The following MIS18A variants were observed in gnomAD, a reference collection of about 807,000 sequenced individuals.
MIS18A encodes MIS18 kinetochore protein A.
A neutral mutation model predicts 25.0 loss-of-function variants in MIS18A; 14 were observed. That is an observed-to-expected ratio of 0.56 (90% CI 0.37 to 0.88). The LOEUF (loss-of-function observed/expected upper bound fraction) is 0.88, where lower values mean the gene tolerates loss of function less well. MIS18A is among the 40% of genes least tolerant of loss of function. The pLI is 0.00. For missense variants in MIS18A, 292 were observed against 290.8 expected, an observed-to-expected ratio of 1.00 and a Z score of -0.03; for synonymous variants, 134 against 118.6, an observed-to-expected ratio of 1.13 and a Z score of -0.84.
downstream of MIS18A, among the ~76,000 whole-genome samples, chr21:32,265,854 A>G (rs970597877): frequency 1.3e-5 from 2 of 152,164 alleles, no homozygotes; most frequent in African/African-American, 2.4e-5. Flanking sequence ...AAATACACCA[A>G]TCAGCACCCT....
At chr21:32,269,342 T>C (rs181200910) in intron 4 of MIS18A, among the ~76,000 whole-genome samples, 18 of 152,352 alleles carry the variant, frequency 1.2e-4, no homozygotes, top group African/African-American at 4.3e-4. Flanking sequence ...ATCTCTTTTA[T>C]ACAATCATCA....
downstream of MIS18A, among the ~76,000 whole-genome samples, chr21:32,267,906 C>T (rs1297902323): frequency 2.0e-5 from 3 of 152,126 alleles, no homozygotes; most frequent in East Asian, 1.9e-4. Flanking sequence ...CTGAGGCTGT[C>T]GACAATCTCT....
At chr21:32,177,381 T>C in the MIS18A span, among the ~76,000 whole-genome samples, 1 of 152,142 alleles carries the variant, frequency 6.6e-6, no homozygotes, top group African/African-American at 2.4e-5. Flanking sequence ...AAACTTTCCA[T>C]CTGAGATCAA....
At chr21:32,216,843 C>A in the MIS18A span, among the ~76,000 whole-genome samples, 1 of 152,196 alleles carries the variant, frequency 6.6e-6, no homozygotes, top group Non-Finnish European at 1.5e-5. Flanking sequence ...GTTCCACGTA[C>A]TTAAGAAATA....
the MIS18A span, among the ~76,000 whole-genome samples, chr21:32,235,898 C>T: frequency 3.9e-5 from 6 of 152,198 alleles, no homozygotes; most frequent in East Asian, 7.7e-4. Context: ...TGTCTGATCT[C>T]GGAAGGCATT....
chr21:32,195,892 T>C, the MIS18A span, among the ~76,000 whole-genome samples: 14 of 151,998 alleles, frequency 9.2e-5, no homozygotes, highest in Non-Finnish European at 1.8e-4. Flanking sequence ...TGGTGACACA[T>C]GCATGTAGTC....
At chr21:32,221,786 A>G in the MIS18A span, among the ~76,000 whole-genome samples, 2 of 151,676 alleles carry the variant, frequency 1.3e-5, no homozygotes, top group African/African-American at 2.4e-5. Flanking sequence ...TCAGCTACTC[A>G]GGAGGCTGAG....
At chr21:32,277,712 C>T (rs943670115) in intron 1 of MIS18A, among the ~76,000 whole-genome samples, 2 of 152,136 alleles carry the variant, frequency 1.3e-5, no homozygotes, top group African/African-American at 4.8e-5. Context: ...TCTCAATCTC[C>T]GGATCTCGTG....
chr21:32,193,377 C>G, the MIS18A span, among the ~76,000 whole-genome samples: 1 of 152,182 alleles, frequency 6.6e-6, no homozygotes, highest in Non-Finnish European at 1.5e-5. Context: ...GCAGTGGAAA[C>G]AGAAACTCGC....
At chr21:32,229,290 T>A in the MIS18A span, among the ~76,000 whole-genome samples, 1 of 152,210 alleles carries the variant, frequency 6.6e-6, no homozygotes, top group Non-Finnish European at 1.5e-5. Context: ...ATGTCTAAAG[T>A]TCAGTTAGAT....
At chr21:32,276,459 T>TA (rs2031811511) in intron 1 of MIS18A, among the ~76,000 whole-genome samples, 1 of 28,740 alleles carries the variant, frequency 3.5e-5, no homozygotes, top group African/African-American at 2.3e-4. Flanking sequence ...AGACTCTGTC[T>TA]CAAAAAAAAA....
chr21:32,268,061 T>G (rs2031636995), downstream of MIS18A, among the ~76,000 whole-genome samples: 1 of 152,170 alleles, frequency 6.6e-6, no homozygotes, highest in Non-Finnish European at 1.5e-5. Flanking sequence ...TTCCGTGACC[T>G]CACTCACACC....
chr21:32,251,969 T>C, the MIS18A span, among the ~76,000 whole-genome samples: 2 of 152,224 alleles, frequency 1.3e-5, no homozygotes. Flanking sequence ...TTCATCAGTA[T>C]AGTTTTAGAA....
chr21:32,185,985 T>C, the MIS18A span, among the ~76,000 whole-genome samples: 1,620 of 152,280 alleles, frequency 0.011, 35 homozygotes, highest in African/African-American at 0.037. Context: ...AGCCTCATTA[T>C]CATGCTTCCC....
chr21:32,247,681 T>C, the MIS18A span, among the ~76,000 whole-genome samples: 1 of 152,146 alleles, frequency 6.6e-6, no homozygotes, highest in Non-Finnish European at 1.5e-5. Flanking sequence ...GATTAGGACA[T>C]AGACCCATAC....
chr21:32,269,220 T>C (rs188535723), intron 4 of MIS18A, 103 bp from the exon 5 acceptor site: 2 of 829,334 alleles, frequency 2.4e-6, no homozygotes, highest in East Asian at 2.8e-5. Flanking sequence ...ATTTTGGATA[T>C]GTCATACATT....
chr21:32,205,708 C>T, the MIS18A span, among the ~76,000 whole-genome samples: 13 of 152,290 alleles, frequency 8.5e-5, no homozygotes, highest in Non-Finnish European at 1.9e-4. Flanking sequence ...AAATTTAGAG[C>T]TCCACCTTCT....
At chr21:32,197,637 C>T in the MIS18A span, 10,712 of 152,198 alleles carry the variant, frequency 0.07, 539 homozygotes, top group South Asian at 0.16. Flanking sequence ...CTGTAGAGAC[C>T]GTCTGCCTGC....
downstream of MIS18A, among the ~76,000 whole-genome samples, chr21:32,264,186 T>C (rs1299181460): frequency 2.0e-5 from 3 of 152,288 alleles, no homozygotes; most frequent in East Asian, 5.8e-4. Context: ...GTGAAAATAG[T>C]GTGACCAGTA....
Sources: gnomAD v4.1 joint callset for allele counts (sites outside exome capture counted in the v4.1 genomes callset) on GRCh38, gnomAD v4.1.1 for gene constraint, MANE v1.5 for transcripts, NCBI Gene and HGNC (gene_info 2026-07-23, HGNC 2026-07-21) for gene names.